The following PLD5 variants were observed in gnomAD, a reference collection of about 807,000 sequenced individuals.
PLD5 encodes phospholipase D family member 5, also known as inactive phospholipase D5.
Under a neutral mutation model 61.1 loss-of-function variants are expected in PLD5, and 36 were observed. That is an observed-to-expected ratio of 0.59 (90% CI 0.45 to 0.78). PLD5 has a LOEUF of 0.78. Among genes scored for constraint, PLD5 ranks in the 30% least tolerant of loss-of-function variants. PLD5 has a pLI of 0.00. For synonymous variants in PLD5, 243 were observed against 242.8 expected, an observed-to-expected ratio of 1.00 and a Z score of -0.01; for missense variants, 515 against 644.4, an observed-to-expected ratio of 0.80 and a Z score of 2.17.
chr1:242,337,674 G>C (rs552484203), intron 2 of PLD5, among the ~76,000 whole-genome samples: 2 of 152,222 alleles, frequency 1.3e-5, no homozygotes, highest in Non-Finnish European at 2.9e-5. Context: ...ACCTCACTTT[G>C]TAAAGCACTT....
At chr1:242,115,893 G>A (rs753324931) in intron 6 of PLD5, among the ~76,000 whole-genome samples, 1 of 152,102 alleles carries the variant, frequency 6.6e-6, no homozygotes, top group Non-Finnish European at 1.5e-5. Flanking sequence ...TGCTTGAGGT[G>A]GTTTTCATCT....
chr1:242,496,879 G>T (rs1157784761), intron 1 of PLD5, among the ~76,000 whole-genome samples: 3 of 152,228 alleles, frequency 2.0e-5, no homozygotes, highest in Non-Finnish European at 4.4e-5. Flanking sequence ...GTTTTAGCCA[G>T]CAGGATGGAC....
intron 1 of PLD5, among the ~76,000 whole-genome samples, chr1:242,491,730 A>G (rs1668159032): frequency 6.6e-6 from 1 of 152,100 alleles, no homozygotes; most frequent in Non-Finnish European, 1.5e-5. Flanking sequence ...CTATGTCCTC[A>G]TTCTGTGGCA....
intron 2 of PLD5, among the ~76,000 whole-genome samples, chr1:242,313,975 A>G (rs1415409852): frequency 1.3e-5 from 2 of 152,186 alleles, no homozygotes; most frequent in Non-Finnish European, 2.9e-5. Flanking sequence ...TCTGAGCCAG[A>G]CATCAAAGGC....
chr1:242,390,744 C>G (rs2580236), intron 1 of PLD5, among the ~76,000 whole-genome samples: 84,825 of 151,486 alleles, frequency 0.56, 24,125 homozygotes, highest in Admixed American at 0.67. Flanking sequence ...CCCACTGAAA[C>G]TATGCTTGAC....
intron 2 of PLD5, among the ~76,000 whole-genome samples, chr1:242,298,461 C>T (rs1675844715): frequency 6.6e-6 from 1 of 152,192 alleles, no homozygotes. Flanking sequence ...GGCCAGGGGT[C>T]ATCTAGCTAG....
chr1:242,509,328 G>A (rs1668830273), intron 1 of PLD5, among the ~76,000 whole-genome samples: 1 of 150,654 alleles, frequency 6.6e-6, no homozygotes, highest in Non-Finnish European at 1.5e-5. Flanking sequence ...TCAGTGAGCT[G>A]AGATTGCACC....
chr1:242,228,097 G>C (rs1253658807), intron 4 of PLD5, among the ~76,000 whole-genome samples: 3 of 152,184 alleles, frequency 2.0e-5, no homozygotes, highest in African/African-American at 7.2e-5. Context: ...ACAATGGCGT[G>C]TTCACATTTA....
At chr1:242,096,683 GT>G (rs76435237) in intron 9 of PLD5, among the ~76,000 whole-genome samples, 44,867 of 129,724 alleles carry the variant, frequency 0.35, 6,868 homozygotes, top group Non-Finnish European at 0.38. Flanking sequence ...AGTCTTTTTT[GT>G]TTTTTTTTTT....
At chr1:242,345,236 C>T (rs1458415792) in intron 2 of PLD5, among the ~76,000 whole-genome samples, 1 of 152,072 alleles carries the variant, frequency 6.6e-6, no homozygotes, top group Non-Finnish European at 1.5e-5. Context: ...TGGTGCTCTG[C>T]CGATAGGGGA....
intron 4 of PLD5, among the ~76,000 whole-genome samples, chr1:242,255,261 C>T (rs891568167): frequency 2.6e-5 from 4 of 152,090 alleles, no homozygotes; most frequent in Non-Finnish European, 4.4e-5. Flanking sequence ...ATAAAGTTTA[C>T]TCTAGGGAAA....
chr1:242,176,298 T>G (rs56084000), intron 5 of PLD5, among the ~76,000 whole-genome samples: 18,118 of 152,188 alleles, frequency 0.12, 1,415 homozygotes, highest in East Asian at 0.16. Flanking sequence ...TACAACCACC[T>G]GATCTTTGAC....
intron 5 of PLD5, among the ~76,000 whole-genome samples, chr1:242,173,125 C>A (rs1666867762): frequency 6.6e-6 from 1 of 152,264 alleles, no homozygotes; most frequent in Non-Finnish European, 1.5e-5. Flanking sequence ...TCCCTGTTTG[C>A]AGATGACATG....
At chr1:242,345,102 G>A (rs1660053133) in intron 2 of PLD5, among the ~76,000 whole-genome samples, 1 of 152,134 alleles carries the variant, frequency 6.6e-6, no homozygotes. Context: ...GGAATTCCGG[G>A]AGATACAATA....
intron 1 of PLD5, among the ~76,000 whole-genome samples, chr1:242,448,217 G>A (rs532845050): frequency 6.6e-6 from 1 of 152,282 alleles, no homozygotes; most frequent in African/African-American, 2.4e-5. Context: ...CCCTATGAAT[G>A]AATGATCTAG....
At chr1:242,117,107 G>C (rs868237252) in intron 6 of PLD5, among the ~76,000 whole-genome samples, 9 of 152,254 alleles carry the variant, frequency 5.9e-5, no homozygotes, top group Middle Eastern at 6.8e-3. Context: ...ATCACTCCCA[G>C]GATGAACTGA....
rs994578931 is a variant in PLD5 at position 242,083,624 on chromosome 1, G to A, written c.*6230C>T. On this transcript the variant is annotated 3_prime_UTR_variant, in exon 10 of 10. Coordinates refer to ENST00000536534, the MANE Select transcript of PLD5 (RefSeq NM_001372062.1). ...ACCATAACTTTGCTGAAAATATGGT[G>A]TTGCCTTCTTGTTATTACATTTTCT... The A allele has an allele frequency of 1.3e-5, 2 of 152,128 alleles. No individual in the cohort carries two copies. The highest frequency in any genetic ancestry group is 4.8e-5 in the African/African-American group (2 of 41,422). 9.4% of individuals were successfully genotyped at this position (152,128 alleles called of 1,614,324 possible).
chr1:242,377,003 A>G, intron 1 of PLD5: 2 of 1,611,768 alleles, frequency 1.2e-6, no homozygotes, highest in South Asian at 1.1e-5. Context: ...AGGCAGCTTC[A>G]GTTTCAAAAG....
intron 9 of PLD5, among the ~76,000 whole-genome samples, chr1:242,098,346 C>T (rs1278313812): frequency 1.3e-5 from 2 of 152,168 alleles, no homozygotes; most frequent in African/African-American, 2.4e-5. Flanking sequence ...TCCAGTTGAT[C>T]GAATCGGCTA....
Sources: gnomAD v4.1 joint callset for allele counts (sites outside exome capture counted in the v4.1 genomes callset) on GRCh38, gnomAD v4.1.1 for gene constraint, MANE v1.5 for transcripts, NCBI Gene and HGNC (gene_info 2026-07-23, HGNC 2026-07-21) for gene names.